Variants in MACROD2 observed in about 807,000 individuals in gnomAD.
The protein encoded by MACROD2 is mono-ADP ribosylhydrolase 2.
Under a neutral mutation model 70.4 loss-of-function variants are expected in MACROD2, and 36 were observed. That is an observed-to-expected ratio of 0.51 (90% CI 0.39 to 0.68). MACROD2 has a LOEUF of 0.68. Among genes scored for constraint, MACROD2 ranks in the 30% least tolerant of loss-of-function variants. The pLI is 0.00. For missense variants in MACROD2, 496 were observed against 538.4 expected, an observed-to-expected ratio of 0.92 and a Z score of 0.78; for synonymous variants, 172 against 178.8, an observed-to-expected ratio of 0.96 and a Z score of 0.30.
At chr20:14,784,172 C>T (rs960281490) in intron 5 of MACROD2, among the ~76,000 whole-genome samples, 2 of 152,074 alleles carry the variant, frequency 1.3e-5, no homozygotes, top group South Asian at 2.1e-4. Flanking sequence ...CAGTCAATCA[C>T]GCCCCAATTT....
chr20:14,689,952 A>C (rs1204330187), intron 5 of MACROD2, among the ~76,000 whole-genome samples: 1 of 152,224 alleles, frequency 6.6e-6, no homozygotes, highest in Non-Finnish European at 1.5e-5. Flanking sequence ...AATTATGCTA[A>C]TATTCATAAG....
At chr20:15,551,057 A>G (rs1007058225) in intron 8 of MACROD2, among the ~76,000 whole-genome samples, 2 of 152,250 alleles carry the variant, frequency 1.3e-5, no homozygotes, top group African/African-American at 4.8e-5. Flanking sequence ...AGATACTGAA[A>G]TGTCCTATGT....
At chr20:14,615,847 T>C (rs1425780356) in intron 4 of MACROD2, among the ~76,000 whole-genome samples, 1 of 152,080 alleles carries the variant, frequency 6.6e-6, no homozygotes, top group East Asian at 1.9e-4. Flanking sequence ...AGCAGAGAAC[T>C]GCAAAGAGCT....
intron 3 of MACROD2, among the ~76,000 whole-genome samples, chr20:14,485,027 G>T (rs2084706084): frequency 6.7e-6 from 1 of 150,270 alleles, no homozygotes; most frequent in Non-Finnish European, 1.5e-5. Context: ...CTCTGTTTTT[G>T]TTTTTTTTTG....
intron 5 of MACROD2, among the ~76,000 whole-genome samples, chr20:15,215,676 G>A (rs1049505175): frequency 7.2e-5 from 11 of 151,880 alleles, no homozygotes; most frequent in African/African-American, 1.5e-4. Context: ...CTTGACCTAG[G>A]CAACAAACAT....
intron 8 of MACROD2, among the ~76,000 whole-genome samples, chr20:15,501,761 T>A (rs1352021981): frequency 6.6e-6 from 1 of 152,178 alleles, no homozygotes; most frequent in Non-Finnish European, 1.5e-5. Flanking sequence ...TTTGAACATA[T>A]CAGGTTTTTC....
At chr20:15,238,417 A>C (rs2077033056) in intron 6 of MACROD2, among the ~76,000 whole-genome samples, 1 of 152,078 alleles carries the variant, frequency 6.6e-6, no homozygotes. Flanking sequence ...TTGATTCATC[A>C]TGCAAATTAC....
chr20:15,104,127 C>T (rs1479810241), intron 5 of MACROD2, among the ~76,000 whole-genome samples: 1 of 152,012 alleles, frequency 6.6e-6, no homozygotes, highest in Non-Finnish European at 1.5e-5. Context: ...TGTAAAGAAT[C>T]AAAGATGAGC....
intron 8 of MACROD2, among the ~76,000 whole-genome samples, chr20:15,578,134 T>G (rs2048473942): frequency 6.6e-6 from 1 of 152,184 alleles, no homozygotes; most frequent in East Asian, 1.9e-4. Flanking sequence ...TTCATATTAA[T>G]CTGGAAAGTC....
intron 3 of MACROD2, among the ~76,000 whole-genome samples, chr20:14,485,917 T>C (rs1000277478): frequency 6.6e-6 from 1 of 152,106 alleles, no homozygotes; most frequent in Non-Finnish European, 1.5e-5. Context: ...ATTCTTCAAA[T>C]GGAAACAGAA....
chr20:15,958,320 G>T (rs1412565108), intron 12 of MACROD2, among the ~76,000 whole-genome samples: 1 of 152,108 alleles, frequency 6.6e-6, no homozygotes, highest in East Asian at 1.9e-4. Context: ...CACCAGCAGG[G>T]CTCCACGGCC....
At chr20:14,228,648 G>A (rs1321491242) in intron 3 of MACROD2, among the ~76,000 whole-genome samples, 2 of 152,098 alleles carry the variant, frequency 1.3e-5, no homozygotes, top group Non-Finnish European at 2.9e-5. Flanking sequence ...ATGTAAAAAC[G>A]TATAGTCCTT....
intron 3 of MACROD2, among the ~76,000 whole-genome samples, chr20:14,183,081 T>G: frequency 6.8e-6 from 1 of 148,050 alleles, no homozygotes; most frequent in Non-Finnish European, 1.5e-5. Context: ...ATAGGTAAAC[T>G]TGTGTCATGG....
intron 5 of MACROD2, among the ~76,000 whole-genome samples, chr20:15,018,491 T>A (rs772111805): frequency 1.3e-5 from 2 of 152,144 alleles, no homozygotes; most frequent in Non-Finnish European, 2.9e-5. Flanking sequence ...CTGCCTGTTA[T>A]CCAGTTCCAA....
At chr20:15,968,544 A>G (rs6034338) in intron 13 of MACROD2, among the ~76,000 whole-genome samples, 145,260 of 151,848 alleles carry the variant, frequency 0.96, 69,687 homozygotes, top group East Asian at 1. Context: ...TTAAATGTAC[A>G]AAAATGTTGA....
intron 4 of MACROD2, among the ~76,000 whole-genome samples, chr20:14,606,984 AAC>A (rs1169209060): frequency 6.6e-6 from 1 of 152,172 alleles, no homozygotes; most frequent in Non-Finnish European, 1.5e-5. Flanking sequence ...AATGCACACA[AAC>A]ACATGTGATT....
chr20:14,780,823 T>C (rs547811995), intron 5 of MACROD2, among the ~76,000 whole-genome samples: 1 of 152,244 alleles, frequency 6.6e-6, no homozygotes, highest in East Asian at 1.9e-4. Context: ...TCACAAAATC[T>C]AGGATCTTTA....
chr20:14,290,144 A>T (rs1173295524), intron 3 of MACROD2, among the ~76,000 whole-genome samples: 5 of 152,198 alleles, frequency 3.3e-5, no homozygotes, highest in Admixed American at 3.3e-4. Flanking sequence ...TGCTGTATGT[A>T]TAAAAAGAGA....
At chr20:14,089,418 A>G (rs2054120286) in intron 3 of MACROD2, among the ~76,000 whole-genome samples, 3 of 152,294 alleles carry the variant, frequency 2.0e-5, no homozygotes, top group Admixed American at 2.0e-4. Flanking sequence ...CACTATGCCA[A>G]AGCAGCCCAG....
Sources: gnomAD v4.1 joint callset for allele counts (sites outside exome capture counted in the v4.1 genomes callset) on GRCh38, gnomAD v4.1.1 for gene constraint, MANE v1.5 for transcripts, NCBI Gene and HGNC (gene_info 2026-07-23, HGNC 2026-07-21) for gene names.